The following SGK3 variants were observed in gnomAD, a reference collection of about 807,000 sequenced individuals.
SGK3 encodes serum/glucocorticoid regulated kinase family member 3.
SGK3 carries 47 observed loss-of-function variants against 68.5 expected under a neutral mutation model. That is an observed-to-expected ratio of 0.69 (90% confidence interval 0.54 to 0.87). The LOEUF is 0.87. SGK3 is among the 40% of genes least tolerant of loss of function. The probability of loss-of-function intolerance (pLI) is 0.00; values close to 1 mark genes in which losing one functional copy is unlikely to be tolerated. For synonymous variants in SGK3, 181 were observed against 189.1 expected (o/e 0.96, Z 0.35); for missense variants, 479 against 575.5 (o/e 0.83, Z 1.72).
intron 5 of SGK3, among the ~76,000 whole-genome samples, chr8:66,814,581 G>A (rs1254585259): frequency 6.6e-6 from 1 of 152,312 alleles, no homozygotes; most frequent in East Asian, 1.9e-4. Flanking sequence ...CGAGATTGAA[G>A]GAGTTGTCTG....
At chr8:66,834,797 C>A (rs990353471) in intron 8 of SGK3, among the ~76,000 whole-genome samples, 9 of 151,540 alleles carry the variant, frequency 5.9e-5, no homozygotes, top group African/African-American at 1.9e-4. Context: ...TAAATTAGCC[C>A]CGTGTGGTGG....
intron 1 of SGK3, among the ~76,000 whole-genome samples, chr8:66,734,389 A>G (rs994926446): frequency 1.3e-5 from 2 of 152,058 alleles, no homozygotes; most frequent in African/African-American, 4.8e-5. Context: ...TTGCTTAAAA[A>G]TTGTAAAAAT....
In SGK3 at chr8:66,757,616, A is replaced by T. The variant is rs963335344; in HGVS notation, c.-121-36000A>T. On this transcript the variant is annotated intron_variant, in intron 1 of 16. Transcript: ENST00000521198. ...AAAACTGATAAATTTTAAAAAAAAAATTAAATAAAAAAATATGGCCAGGTG... is the reference window on the plus strand; with the variant it reads ...AAAACTGATAAATTTTAAAAAAAAATTTAAATAAAAAAATATGGCCAGGTG... Among the ~76,000 whole-genome samples the T allele has an allele frequency of 2.5e-3, 377 of 151,310 alleles. 1 individual carries two copies. Among genetic ancestry groups the T allele is most frequent in the African/African-American group, 8.9e-3 (363 of 40,976 alleles).
chr8:66,784,126 C>T (rs1281629947), intron 1 of SGK3, among the ~76,000 whole-genome samples: 1 of 152,148 alleles, frequency 6.6e-6, no homozygotes, highest in African/African-American at 2.4e-5. Flanking sequence ...ATACCGAACT[C>T]CTGGGCTCAA....
intron 1 of SGK3, among the ~76,000 whole-genome samples, chr8:66,762,642 C>T (rs1480352714): frequency 2.0e-5 from 3 of 151,974 alleles, no homozygotes; most frequent in Non-Finnish European, 2.9e-5. Flanking sequence ...CTCAAATTGC[C>T]TCATAATTTT....
At chr8:66,841,605 T>C (rs1320430894) in intron 13 of SGK3, among the ~76,000 whole-genome samples, 1 of 152,158 alleles carries the variant, frequency 6.6e-6, no homozygotes, top group Non-Finnish European at 1.5e-5. Flanking sequence ...AAAGCAAATA[T>C]GGCAAAATAT....
At chr8:66,820,601 C>T (rs904174255) in intron 5 of SGK3, among the ~76,000 whole-genome samples, 4 of 152,192 alleles carry the variant, frequency 2.6e-5, no homozygotes, top group Non-Finnish European at 5.9e-5. Context: ...TAAGGTAACT[C>T]TGTGTTTAAC....
intron 1 of SGK3, among the ~76,000 whole-genome samples, chr8:66,728,181 ACTTT>A (rs1447835049): frequency 1.3e-5 from 2 of 152,312 alleles, no homozygotes; most frequent in South Asian, 2.1e-4. Flanking sequence ...ATGACAAATT[ACTTT>A]CTTTCTCTGC....
chr8:66,812,883 A>G (rs1417815940), intron 4 of SGK3, among the ~76,000 whole-genome samples: 1 of 152,250 alleles, frequency 6.6e-6, no homozygotes, highest in Non-Finnish European at 1.5e-5. Flanking sequence ...TTCAAAGAAA[A>G]GAAAGGTTTG....
chr8:66,747,737 T>C lies in SGK3; in HGVS notation c.-122+34904T>C, dbSNP rs531217964. On this transcript the variant is annotated intron_variant, in intron 1 of 16. Coordinates refer to ENST00000521198, the MANE Select transcript of SGK3 (RefSeq NM_001033578.3). Reference sequence around the variant, plus strand: ...CACGCCTGGCTAATTTTTAATTTTTTTGTAGAGACAAGGTCCCATTATGCT... The same window carrying C: ...CACGCCTGGCTAATTTTTAATTTTTCTGTAGAGACAAGGTCCCATTATGCT... Among the ~76,000 whole-genome samples, 4 of 152,304 alleles carry C rather than the reference T, an allele frequency of 2.6e-5. No homozygotes were observed. The South Asian group carries it at 8.3e-4, about 32-fold the overall frequency.
intron 1 of SGK3, among the ~76,000 whole-genome samples, chr8:66,747,247 A>G (rs1805679927): frequency 6.6e-6 from 1 of 152,272 alleles, no homozygotes; most frequent in Non-Finnish European, 1.5e-5. Flanking sequence ...GTTTATTTTT[A>G]AAATAGACTT....
intron 1 of SGK3, among the ~76,000 whole-genome samples, chr8:66,730,119 C>G (rs1185031168): frequency 6.6e-6 from 1 of 152,170 alleles, no homozygotes; most frequent in African/African-American, 2.4e-5. Context: ...TACATCCTCA[C>G]CAACACTTTT....
intron 1 of SGK3, among the ~76,000 whole-genome samples, chr8:66,744,013 C>G (rs1431477889): frequency 6.6e-6 from 1 of 152,208 alleles, no homozygotes; most frequent in Non-Finnish European, 1.5e-5. Context: ...CTCTTTGCCT[C>G]TTACCTGGGC....
Position 66,718,046 on chromosome 8 carries a change from C to T in SGK3, c.-122+5213C>T, listed in dbSNP as rs1464046711. 4.9e-5 allele frequency among the ~76,000 whole-genome samples: 7 copies of T among 143,798 alleles called. No homozygotes were observed. The Admixed American group carries it at 5.0e-4, about 10-fold the overall frequency. 94.3% of individuals were successfully genotyped at this position (143,798 alleles called of 152,430 possible). A position where few individuals can be genotyped will look rare whatever the true frequency, so the allele number is the denominator to read the frequency against. On this transcript the variant is annotated intron_variant, in intron 1 of 16. Coordinates refer to ENST00000521198, the MANE Select transcript of SGK3 (RefSeq NM_001033578.3). ...CTATTTTTTTTTTCTTTTTTTTTGA[C>T]ATGGAGTCTCAGTCTGTCACCCAGG...
Position 66,850,884 on chromosome 8 carries a change from A to G in SGK3, c.1284A>G (p.Val428=), listed in dbSNP as rs1333018258. The G allele has an allele frequency of 4.3e-6, 7 of 1,611,862 alleles. No homozygotes were observed. Among genetic ancestry groups the G allele is most frequent in the Admixed American group, 1.7e-5 (1 of 59,848 alleles). The part of the protein sequence containing the change: ...FFESLSWADL[V]QKKIPPPFNP... The stretch of plus-strand genomic sequence containing the variant: ...AATCACTCAGCTGGGCTGACCTTGT[A>G]CAAAAGAAGATTCCACCACCATTTA... Residue 428 remains valine, a synonymous_variant, in exon 16 of 17, where the codon GTA becomes GTG. Transcript: ENST00000521198.
At chr8:66,810,239 CA>C (rs1286199693) in intron 4 of SGK3, among the ~76,000 whole-genome samples, 1 of 134,778 alleles carries the variant, frequency 7.4e-6, no homozygotes, top group Non-Finnish European at 1.6e-5. Context: ...AAAAACAAAA[CA>C]AAAATCTGCC....
chr8:66,734,228 C>CTTT (rs529741200), intron 1 of SGK3, among the ~76,000 whole-genome samples: 23 of 104,192 alleles, frequency 2.2e-4, no homozygotes, highest in South Asian at 6.6e-4. Flanking sequence ...CTTTTTCTTT[C>CTTT]TTTTTTTTTT....
chr8:66,755,035 G>T (rs1413471320), intron 1 of SGK3, among the ~76,000 whole-genome samples: 1 of 152,100 alleles, frequency 6.6e-6, no homozygotes, highest in Non-Finnish European at 1.5e-5. Flanking sequence ...GAAGCGGGTG[G>T]ATCACCTGAG....
At chr8:66,717,836 T>A (rs1804681157) in intron 1 of SGK3, among the ~76,000 whole-genome samples, 1 of 152,002 alleles carries the variant, frequency 6.6e-6, no homozygotes, top group East Asian at 1.9e-4. Context: ...TCTGAGAAGC[T>A]GGGTCTACAG....
Sources: gnomAD v4.1 joint callset for allele counts (sites outside exome capture counted in the v4.1 genomes callset) on GRCh38, gnomAD v4.1.1 for gene constraint, MANE v1.5 for transcripts, NCBI Gene and HGNC (gene_info 2026-07-23, HGNC 2026-07-21) for gene names.